MCF2L2: variants seen among roughly 807,000 people sequenced by gnomAD.
MCF2L2 encodes the protein probable guanine nucleotide exchange factor MCF2L2.
MCF2L2 carries 102 observed loss-of-function variants against 150.2 expected under a neutral mutation model. That is an observed-to-expected ratio of 0.68 (90% CI 0.58 to 0.80). The LOEUF is 0.80. Among genes scored for constraint, MCF2L2 ranks in the 30% least tolerant of loss-of-function variants. The pLI is 0.00. For missense variants in MCF2L2, 1,256 were observed against 1,372.8 expected, an observed-to-expected ratio of 0.91 and a Z score of 1.34; for synonymous variants, 465 against 491.3, an observed-to-expected ratio of 0.95 and a Z score of 0.71.
chr3:183,318,014 C>T (rs1179303324), intron 7 of MCF2L2, 54 bp downstream of exon 7: 1 of 1,592,312 alleles, frequency 6.3e-7, no homozygotes, highest in East Asian at 2.3e-5. Flanking sequence ...CTCCGAGAGG[C>T]AGGCATACCT....
chr3:183,335,712 T>C (rs1370800464), intron 5 of MCF2L2, among the ~76,000 whole-genome samples: 1 of 151,388 alleles, frequency 6.6e-6, no homozygotes, highest in Admixed American at 6.6e-5. Context: ...TAAAAAAAAT[T>C]AAAAAATCAG....
chr3:183,194,241 T>C (rs1722005934), intron 26 of MCF2L2, among the ~76,000 whole-genome samples: 1 of 152,156 alleles, frequency 6.6e-6, no homozygotes, highest in Admixed American at 6.5e-5. Context: ...CTAAGCAGAC[T>C]ACTGTATCAG....
intron 22 of MCF2L2, among the ~76,000 whole-genome samples, chr3:183,214,827 A>C (rs1379788204): frequency 6.7e-6 from 1 of 148,698 alleles, no homozygotes; most frequent in African/African-American, 2.5e-5. Context: ...TCTACTAAAA[A>C]TACAAAAAAA....
At chr3:183,243,066 A>G (rs1270828784) in intron 15 of MCF2L2, among the ~76,000 whole-genome samples, 2 of 152,240 alleles carry the variant, frequency 1.3e-5, no homozygotes, top group African/African-American at 2.4e-5. Context: ...TTTTTACCCA[A>G]TGTCTACACC....
Position 183,327,351 on chromosome 3 carries a change from A to G in MCF2L2, c.487-4000T>C, listed in dbSNP as rs545412275. The stretch of plus-strand genomic sequence containing the variant: ...AAAAATAAATAAAAATAAATAAATA[A>G]ATAAATAAAACCTAACCAATAGGCC... On this transcript the variant is annotated intron_variant, in intron 5 of 29. Transcript: ENST00000328913. 2.0e-5 allele frequency among the ~76,000 whole-genome samples: 3 copies of G among 152,158 alleles called. No homozygotes were observed. In the South Asian group the frequency reaches 6.2e-4, roughly 32 times the overall value.
At chr3:183,382,621 AAG>A (rs756320521) in intron 2 of MCF2L2, among the ~76,000 whole-genome samples, 4 of 152,188 alleles carry the variant, frequency 2.6e-5, no homozygotes, top group African/African-American at 7.2e-5. Context: ...AATAGGAAGA[AAG>A]AATAATTATT....
chr3:183,194,201 T>C (rs1722004794), intron 26 of MCF2L2, among the ~76,000 whole-genome samples: 1 of 152,176 alleles, frequency 6.6e-6, no homozygotes. Flanking sequence ...GGGGGTTCCA[T>C]GAGGATCAGG....
At chr3:183,337,939 T>C (rs1003936111) in intron 5 of MCF2L2, among the ~76,000 whole-genome samples, 1 of 152,224 alleles carries the variant, frequency 6.6e-6, no homozygotes, top group Non-Finnish European at 1.5e-5. Context: ...GCCAAAGTTA[T>C]AGGTAAAATT....
At chr3:183,296,068 T>C (rs1444074818) in intron 12 of MCF2L2, 1 of 152,556 alleles carries the variant, frequency 6.6e-6, no homozygotes, top group Non-Finnish European at 1.5e-5. Flanking sequence ...TTCCCCAGAA[T>C]TACACAAACA....
chr3:183,422,769 A>AT (rs199507649), intron 1 of MCF2L2, among the ~76,000 whole-genome samples: 175 of 152,062 alleles, frequency 1.2e-3, no homozygotes, highest in African/African-American at 3.9e-3. Context: ...GAATAAATGT[A>AT]TTTTTTTTCA....
intron 5 of MCF2L2, among the ~76,000 whole-genome samples, chr3:183,331,333 G>C (rs1343534836): frequency 6.6e-6 from 1 of 152,162 alleles, no homozygotes; most frequent in South Asian, 2.1e-4. Context: ...CCCATGCGGC[G>C]TGAGGTGACC....
At chr3:183,251,599 G>T (rs1289520478) in intron 15 of MCF2L2, among the ~76,000 whole-genome samples, 1 of 152,036 alleles carries the variant, frequency 6.6e-6, no homozygotes, top group African/African-American at 2.4e-5. Context: ...TGCCAACACG[G>T]TCCTCCTTCT....
chr3:183,191,335 A>T (rs1721885078), intron 27 of MCF2L2, among the ~76,000 whole-genome samples: 1 of 152,146 alleles, frequency 6.6e-6, no homozygotes. Context: ...TATACACTGA[A>T]TATATCATAT....
chr3:183,224,406 A>C, intron 18 of MCF2L2: 2 of 506,362 alleles, frequency 3.9e-6, no homozygotes, highest in Non-Finnish European at 7.1e-6. Context: ...AGATAGGCAC[A>C]GAGTGCTCTG....
chr3:183,305,830 C>T lies in MCF2L2; in HGVS notation c.1113+3886G>A, dbSNP rs1245682655. ...TGCCACTGCACTCCAGCCTGGGCGG[C>T]AAGAGTGAAACTCCGTCTCAAAAAA... On this transcript the variant is annotated intron_variant, in intron 10 of 29. Transcript: ENST00000328913. This position sits in a 1 kb window ranked among gnomAD's most constrained non-coding sequence, Gnocchi z 4.1. 1.3e-5 allele frequency among the ~76,000 whole-genome samples: 2 copies of T among 152,070 alleles called. No homozygotes were observed. The highest frequency in any genetic ancestry group is 1.5e-5 in the Non-Finnish European group (1 of 68,014).
intron 4 of MCF2L2, among the ~76,000 whole-genome samples, chr3:183,339,257 A>G (rs1176278784): frequency 2.6e-5 from 4 of 152,220 alleles, no homozygotes; most frequent in Non-Finnish European, 5.9e-5. Flanking sequence ...GCCATACTTA[A>G]TATTTCCATC....
At chr3:183,383,693 T>A (rs986774074) in intron 2 of MCF2L2, among the ~76,000 whole-genome samples, 5 of 152,234 alleles carry the variant, frequency 3.3e-5, no homozygotes, top group African/African-American at 1.2e-4. Flanking sequence ...CATGTGGAAA[T>A]ACATACTATT....
chr3:183,255,962 G>C (rs150134043), intron 15 of MCF2L2, among the ~76,000 whole-genome samples: 30 of 152,270 alleles, frequency 2.0e-4, no homozygotes, highest in African/African-American at 6.7e-4. Context: ...AAAGGGTCCA[G>C]TTCTTTCTGA....
intron 10 of MCF2L2, among the ~76,000 whole-genome samples, chr3:183,309,168 T>G (rs1323356568): frequency 6.6e-6 from 1 of 152,212 alleles, no homozygotes; most frequent in Non-Finnish European, 1.5e-5. Flanking sequence ...TCTTGGGACA[T>G]GAGAAAGGAG....
Sources: gnomAD v4.1 joint callset for allele counts (sites outside exome capture counted in the v4.1 genomes callset) on GRCh38, gnomAD v4.1.1 for gene constraint, Gnocchi (gnomAD v3.1) non-coding constraint, MANE v1.5 for transcripts, NCBI Gene and HGNC (gene_info 2026-07-23, HGNC 2026-07-21) for gene names.